CCDC60: variants seen among roughly 807,000 people sequenced by gnomAD.
The protein encoded by CCDC60 is coiled-coil domain-containing protein 60.
CCDC60 carries 54 observed loss-of-function variants against 63.5 expected under a neutral mutation model. That is an observed-to-expected ratio of 0.85 (90% CI 0.68 to 1.07). CCDC60 has a LOEUF of 1.07. CCDC60 is among the 50% of genes least tolerant of loss of function. The pLI is 0.00. For missense variants in CCDC60, 651 were observed against 684.3 expected, an observed-to-expected ratio of 0.95 and a Z score of 0.54; for synonymous variants, 206 against 238.8, an observed-to-expected ratio of 0.86 and a Z score of 1.27.
chr12:119,431,880 C>T (rs991012642), intron 2 of CCDC60, among the ~76,000 whole-genome samples: 2 of 152,100 alleles, frequency 1.3e-5, no homozygotes, highest in Non-Finnish European at 2.9e-5. Flanking sequence ...GGAGTTTCAC[C>T]ACGTTAGCCA....
intron 2 of CCDC60, among the ~76,000 whole-genome samples, chr12:119,446,060 A>G (rs1760999744): frequency 6.6e-6 from 1 of 152,174 alleles, no homozygotes; most frequent in Non-Finnish European, 1.5e-5. Context: ...CTGTACCCTA[A>G]TAACTTATGG....
At position 119,523,829 on chromosome 12, in the gene CCDC60, A is replaced by G; in HGVS notation, c.1229+11A>G. 30 of 1,613,604 alleles carry G rather than the reference A, an allele frequency of 1.9e-5. No homozygotes were observed. The highest frequency in any genetic ancestry group is 2.5e-5 in the Non-Finnish European group (30 of 1,179,690). On this transcript the variant is annotated intron_variant, in intron 11 of 13. Transcript: ENST00000327554. The stretch of plus-strand genomic sequence containing the variant: ...GGAAATCCTCATGAAGTAAGCGCAC[A>G]TATATATCCATTCATTCAAACAGCA...
intron 1 of CCDC60, among the ~76,000 whole-genome samples, chr12:119,348,227 C>T (rs937220577): frequency 1.5e-4 from 23 of 152,102 alleles, no homozygotes; most frequent in Non-Finnish European, 2.4e-4. Context: ...TTTGAGACAC[C>T]GTGAATATGG....
intron 2 of CCDC60, among the ~76,000 whole-genome samples, chr12:119,462,722 G>A (rs1335481979): frequency 6.6e-6 from 1 of 152,164 alleles, no homozygotes; most frequent in African/African-American, 2.4e-5. Flanking sequence ...CCTGGCTTAA[G>A]TGATCCTCCT....
At chr12:119,445,177 T>G (rs1950519197) in intron 2 of CCDC60, among the ~76,000 whole-genome samples, 2 of 152,034 alleles carry the variant, frequency 1.3e-5, no homozygotes. Context: ...CTCACGCCTT[T>G]AATCCCAGCA....
intron 2 of CCDC60, among the ~76,000 whole-genome samples, chr12:119,471,122 G>T (rs1951047797): frequency 6.6e-6 from 1 of 152,176 alleles, no homozygotes; most frequent in South Asian, 2.1e-4. Context: ...CAACCCCAAG[G>T]TGAAGACTGG....
intron 11 of CCDC60, among the ~76,000 whole-genome samples, chr12:119,524,925 C>A (rs1280507434): frequency 2.6e-5 from 4 of 151,838 alleles, no homozygotes; most frequent in Non-Finnish European, 2.9e-5. Context: ...CTTGGCCTCC[C>A]AAAATGCTGG....
At chr12:119,358,984 A>C (rs189885624) in intron 1 of CCDC60, among the ~76,000 whole-genome samples, 1 of 152,280 alleles carries the variant, frequency 6.6e-6, no homozygotes, top group Non-Finnish European at 1.5e-5. Context: ...GAGGAAATGC[A>C]TATGTTCAGC....
intron 1 of CCDC60, among the ~76,000 whole-genome samples, chr12:119,381,981 G>C (rs1956012114): frequency 6.6e-6 from 1 of 152,198 alleles, no homozygotes; most frequent in Non-Finnish European, 1.5e-5. Flanking sequence ...CTCTTTGCAG[G>C]CATCTGACAC....
At chr12:119,411,030 G>C (rs1326992974) in intron 1 of CCDC60, among the ~76,000 whole-genome samples, 2 of 152,202 alleles carry the variant, frequency 1.3e-5, no homozygotes, top group Admixed American at 1.3e-4. Flanking sequence ...ACTGCGCCCG[G>C]CCACATTTAT....
intron 1 of CCDC60, among the ~76,000 whole-genome samples, chr12:119,392,072 T>C (rs1221494106): frequency 6.6e-6 from 1 of 152,088 alleles, no homozygotes; most frequent in Non-Finnish European, 1.5e-5. Flanking sequence ...ATAAGTAACA[T>C]AAACCCTTTC....
chr12:119,455,075 C>A (rs1950699824), intron 2 of CCDC60, among the ~76,000 whole-genome samples: 1 of 152,302 alleles, frequency 6.6e-6, no homozygotes, highest in African/African-American at 2.4e-5. Flanking sequence ...ATTGGCCTAG[C>A]CTATCGGGAA....
At chr12:119,349,262 A>T (rs1319730904) in intron 1 of CCDC60, among the ~76,000 whole-genome samples, 1 of 152,076 alleles carries the variant, frequency 6.6e-6, no homozygotes, top group Non-Finnish European at 1.5e-5. Context: ...GGATAGAAAA[A>T]ACATTGACTG....
At chr12:119,527,461 T>G (rs552320019) in intron 11 of CCDC60, among the ~76,000 whole-genome samples, 1 of 152,036 alleles carries the variant, frequency 6.6e-6, no homozygotes, top group East Asian at 1.9e-4. Flanking sequence ...GAAGGGAGTT[T>G]CAAGGAAAAG....
rs200214070 is a variant in CCDC60, at chr12:119,428,740, A to G, written c.148A>G (p.Lys50Glu). ...TATGGACAAGGAAATAATAAACCTCAAAAAGGACCTTATACGAAGCCGGTG... is the reference window on the plus strand; with the variant it reads ...TATGGACAAGGAAATAATAAACCTCGAAAAGGACCTTATACGAAGCCGGTG... ...KYMDKEIINL[K>E]KDLIRSRFLI... The change falls in exon 2 of 14, where the codon AAA becomes GAA. Residue 50 changes from lysine (K) to glutamate (E), a missense_variant. Coordinates refer to ENST00000327554, the MANE Select transcript of CCDC60 (RefSeq NM_178499.5). 17 of 1,604,250 alleles carry G rather than the reference A, an allele frequency of 1.1e-5. No individual in the cohort carries two copies. The highest frequency in any genetic ancestry group is 3.3e-4 in the Middle Eastern group (2 of 6,052).
At chr12:119,371,119 C>T (rs1045811424) in intron 1 of CCDC60, among the ~76,000 whole-genome samples, 8 of 152,208 alleles carry the variant, frequency 5.3e-5, no homozygotes, top group Non-Finnish European at 1.0e-4. Context: ...GGTTGGTTCT[C>T]TCTACCTGAT....
intron 1 of CCDC60, among the ~76,000 whole-genome samples, chr12:119,362,346 T>C (rs1033683402): frequency 4.6e-5 from 7 of 152,152 alleles, no homozygotes; most frequent in Admixed American, 1.3e-4. Flanking sequence ...TTAATAAATA[T>C]ATAAAACATT....
chr12:119,434,028 TAA>T (rs1166333121), intron 2 of CCDC60, among the ~76,000 whole-genome samples: 2 of 152,166 alleles, frequency 1.3e-5, no homozygotes, highest in African/African-American at 4.8e-5. Flanking sequence ...TTAAGGAAAA[TAA>T]ACATCTCTGC....
chr12:119,457,635 G>A (rs1183952636), intron 2 of CCDC60, among the ~76,000 whole-genome samples: 1 of 152,178 alleles, frequency 6.6e-6, no homozygotes, highest in African/African-American at 2.4e-5. Flanking sequence ...AAAGAAGAGT[G>A]AAATCCTCCA....
Sources: allele counts gnomAD v4.1 joint callset (sites outside exome capture counted in the v4.1 genomes callset), GRCh38; gene constraint gnomAD v4.1.1; transcripts MANE v1.5; gene names NCBI Gene and HGNC (gene_info 2026-07-23, HGNC 2026-07-21).